TMEM87A: variants seen among roughly 807,000 people sequenced by gnomAD.
TMEM87A encodes transmembrane protein 87A, also known as Golgi-pH regulating cation channel.
In TMEM87A, 50 loss-of-function variants were observed where a neutral mutation model predicts 90.0. That is an observed-to-expected ratio of 0.56 (90% CI 0.44 to 0.70). TMEM87A has a LOEUF of 0.70. Among genes scored for constraint, TMEM87A ranks in the 30% least tolerant of loss-of-function variants. TMEM87A has a pLI of 0.00. For synonymous variants in TMEM87A, 226 were observed against 226.7 expected, an observed-to-expected ratio of 1.00 and a Z score of 0.03; for missense variants, 577 against 660.5, an observed-to-expected ratio of 0.87 and a Z score of 1.39.
intron 6 of TMEM87A, among the ~76,000 whole-genome samples, chr15:42,244,692 G>A (rs1331393417): frequency 6.8e-6 from 1 of 146,890 alleles, no homozygotes; most frequent in Non-Finnish European, 1.5e-5. Context: ...AGTCTATGTG[G>A]TAAGCAAGAG....
chr15:42,261,254 A>T lies in TMEM87A; in HGVS notation c.406-5T>A, dbSNP rs2051284929. ...CATAAAATCTCCAGAAAAGGTCTATAAAAGAAACACAAAACAAAACATTAA... is the reference window on the plus strand; with the variant it reads ...CATAAAATCTCCAGAAAAGGTCTATTAAAGAAACACAAAACAAAACATTAA... On this transcript the variant is annotated splice_polypyrimidine_tract_variant and splice_region_variant and intron_variant, in intron 4 of 19. Transcript: ENST00000389834. The T allele has an allele frequency of 6.2e-7, 1 of 1,612,274 alleles. No individual in the cohort carries two copies. Among genetic ancestry groups the T allele is most frequent in the South Asian group, 1.1e-5 (1 of 90,832 alleles).
intron 2 of TMEM87A, chr15:42,271,686 T>C (rs1246253196): frequency 1.9e-5 from 3 of 155,724 alleles, no homozygotes; most frequent in African/African-American, 7.2e-5. Flanking sequence ...TCTATGATGT[T>C]TGCATAATGA....
intron 7 of TMEM87A, among the ~76,000 whole-genome samples, chr15:42,243,645 A>G (rs987152622): frequency 1.3e-5 from 2 of 149,246 alleles, no homozygotes; most frequent in Non-Finnish European, 3.0e-5. Context: ...TCAGCCTCCC[A>G]AGTAGCTGGG....
At chr15:42,263,981 T>G in intron 4 of TMEM87A, 109 bp downstream of exon 4, 1 of 763,222 alleles carries the variant, frequency 1.3e-6, no homozygotes, top group Non-Finnish European at 2.2e-6. Flanking sequence ...TGCTTCCACT[T>G]ACTTCTGCCA....
At chr15:42,243,951 A>C (rs1239037635) in intron 7 of TMEM87A, 99 bp downstream of exon 7, 1 of 631,976 alleles carries the variant, frequency 1.6e-6, no homozygotes, top group Non-Finnish European at 2.5e-6. Flanking sequence ...AGGAAATAGA[A>C]ATCTGATACC....
rs143417687 is a variant in TMEM87A, at chr15:42,210,748, G to A, written c.*960C>T. 5.9e-5 allele frequency: 9 copies of A among 152,740 alleles called. No homozygotes were observed. Among genetic ancestry groups the A allele is most frequent in the African/African-American group, 1.4e-4 (6 of 41,528 alleles). 9.5% of individuals were successfully genotyped at this position (152,740 alleles called of 1,614,324 possible). A position where few individuals can be genotyped will look rare whatever the true frequency, so the allele number is the denominator to read the frequency against. ...ACGAGCAGCAGTCCAGGGCCTCCAC[G>A]CTACTTCATGCAATAACTGTTTAAA... is the stretch of plus-strand genomic sequence containing the variant. On this transcript the variant is annotated 3_prime_UTR_variant, in exon 20 of 20. Coordinates refer to ENST00000389834, the MANE Select transcript of TMEM87A (RefSeq NM_015497.5).
intron 4 of TMEM87A, among the ~76,000 whole-genome samples, chr15:42,263,194 C>T (rs1372584233): frequency 6.6e-6 from 1 of 152,168 alleles, no homozygotes; most frequent in Non-Finnish European, 1.5e-5. Context: ...GTGGTACATA[C>T]ATACAATAGA....
chr15:42,260,814 C>A, intron 6 of TMEM87A, 144 bp downstream of exon 6: 1 of 836,478 alleles, frequency 1.2e-6, no homozygotes, highest in Middle Eastern at 3.6e-4. Flanking sequence ...AGAGATCCAA[C>A]CATTTTTAAC....
intron 6 of TMEM87A, among the ~76,000 whole-genome samples, chr15:42,253,633 A>G (rs1364428942): frequency 6.6e-6 from 1 of 152,208 alleles, no homozygotes; most frequent in African/African-American, 2.4e-5. Context: ...CACGACTGCG[A>G]GTTGCCATCT....
intron 3 of TMEM87A, among the ~76,000 whole-genome samples, chr15:42,267,583 A>T (rs112063223): frequency 3.7e-4 from 57 of 152,342 alleles, no homozygotes; most frequent in Admixed American, 1.0e-3. Context: ...CAAAAATACA[A>T]AACAATCCTA....
At chr15:42,246,486 C>T (rs1468458220) in intron 6 of TMEM87A, among the ~76,000 whole-genome samples, 3 of 152,138 alleles carry the variant, frequency 2.0e-5, no homozygotes, top group African/African-American at 7.2e-5. Context: ...TGATGTTCCC[C>T]GCCCTGTGTC....
Position 42,239,647 on chromosome 15 carries a change from TTAAA to T in TMEM87A, c.684+19_684+22del. The T allele has an allele frequency of 1.2e-6, 2 of 1,602,108 alleles. No individual in the cohort carries two copies. Among genetic ancestry groups the T allele is most frequent in the Non-Finnish European group, 1.7e-6 (2 of 1,169,236 alleles). ...AACCCAAAACCATCCAATACTGAGGTTAAATAATATAAAGTCACTTACAATCATC... is the reference window on the plus strand; with the variant it reads ...AACCCAAAACCATCCAATACTGAGGTTAATATAAAGTCACTTACAATCATC... On this transcript the variant is annotated intron_variant, in intron 8 of 19. Coordinates refer to ENST00000389834, the MANE Select transcript of TMEM87A (RefSeq NM_015497.5).
At chr15:42,258,821 G>A in intron 6 of TMEM87A, 1 of 1,469,840 alleles carries the variant, frequency 6.8e-7, no homozygotes, top group Non-Finnish European at 9.0e-7. Flanking sequence ...TGGGGTTTAG[G>A]TAGTGAGAAC....
chr15:42,251,845 C>T (rs2051092535), intron 6 of TMEM87A, among the ~76,000 whole-genome samples: 1 of 152,220 alleles, frequency 6.6e-6, no homozygotes, highest in Non-Finnish European at 1.5e-5. Context: ...CTATGCCCTG[C>T]CCCCAGAGGT....
At chr15:42,272,175 G>GCAT in intron 1 of TMEM87A, 52 bp from the exon 2 acceptor site, 1 of 1,296,488 alleles carries the variant, frequency 7.7e-7, no homozygotes, top group Non-Finnish European at 1.1e-6. Context: ...AATTACCAAA[G>GCAT]CATCATATAA....
At chr15:42,273,135 C>T (rs2051585109) in intron 1 of TMEM87A, 120 bp downstream of exon 1, 1 of 1,297,258 alleles carries the variant, frequency 7.7e-7, no homozygotes, top group Non-Finnish European at 1.1e-6. Context: ...CCACACAGAC[C>T]ATCCCAGCAA....
At chr15:42,225,250 CT>C (rs1339587140) in intron 15 of TMEM87A, among the ~76,000 whole-genome samples, 1 of 151,244 alleles carries the variant, frequency 6.6e-6, no homozygotes, top group African/African-American at 2.5e-5. Context: ...CCTTTTCCTT[CT>C]TTGGTGGTAT....
chr15:42,270,807 G>C (rs1375756257), intron 2 of TMEM87A, among the ~76,000 whole-genome samples: 5 of 152,174 alleles, frequency 3.3e-5, no homozygotes, highest in African/African-American at 9.7e-5. Context: ...CTGGTCAGGA[G>C]ACTGATTACA....
At chr15:42,220,009 C>G in intron 16 of TMEM87A, 53 bp downstream of exon 16, 1 of 1,459,974 alleles carries the variant, frequency 6.8e-7, no homozygotes, top group Non-Finnish European at 9.3e-7. Context: ...AAACAATGTA[C>G]TTACAGAAAA....
Sources: gnomAD v4.1 joint callset for allele counts (sites outside exome capture counted in the v4.1 genomes callset) on GRCh38, gnomAD v4.1.1 for gene constraint, MANE v1.5 for transcripts, NCBI Gene and HGNC (gene_info 2026-07-23, HGNC 2026-07-21) for gene names.